LIN54: variants seen among roughly 807,000 people sequenced by gnomAD.
LIN54 encodes the protein protein lin-54 homolog.
In LIN54, 9 loss-of-function variants were observed where a neutral mutation model predicts 78.7. That is an observed-to-expected ratio of 0.11 (90% CI 0.07 to 0.20). The LOEUF (loss-of-function observed/expected upper bound fraction) is 0.20. Among genes scored for constraint, LIN54 ranks in the 10% least tolerant of loss-of-function variants. The pLI is 1.00. For missense variants in LIN54, 573 were observed against 889.9 expected (o/e 0.64, Z 4.53); for synonymous variants, 269 against 318.4 (o/e 0.84, Z 1.65).
At chr4:82,947,207 T>TTATATATATATA (rs1207992875) in intron 4 of LIN54, among the ~76,000 whole-genome samples, 5 of 76,224 alleles carry the variant, frequency 6.6e-5, no homozygotes, top group African/African-American at 2.8e-4. Context: ...AAAAAAAAAT[T>TTATATATATATA]TATATATATA....
rs374221712 is a variant in LIN54, at chr4:82,996,882, G to GA, written c.-32-12007dup. 1.8e-4 allele frequency among the ~76,000 whole-genome samples: 26 copies of GA among 148,356 alleles called. 1 individual carries two copies. The highest frequency in any genetic ancestry group is 3.5e-4 in the African/African-American group (14 of 40,520). ...TGTACATTTGTCTTAATGTATTAGG[G>GA]AAAAAAAAAAGTATCTAAAATAGGA... On this transcript the variant is annotated intron_variant, in intron 1 of 12. Transcript: ENST00000340417.
chr4:82,938,532 T>C, intron 7 of LIN54, 28 bp from the exon 8 acceptor site: 2 of 1,326,328 alleles, frequency 1.5e-6, no homozygotes, highest in East Asian at 4.6e-5. Flanking sequence ...TAATTTTAGA[T>C]CATATTTCCA....
In LIN54 at chr4:82,939,579, T is replaced by G. The variant is rs1414780421; in HGVS notation, c.1400A>C (p.Asn467Thr). The G allele has an allele frequency of 6.2e-7, 1 of 1,614,066 alleles. No individual in the cohort carries two copies. Among genetic ancestry groups the G allele is most frequent in the Non-Finnish European group, 8.5e-7 (1 of 1,179,922 alleles). The change falls in exon 7 of 13, where the codon AAT (asparagine) becomes ACT (threonine). Residue 467 changes from asparagine (N) to threonine (T), a missense_variant. Physicochemically the swap from Asn to Thr is moderately conservative, Grantham distance 65. Transcript: ENST00000340417. ...TVLAPAPGTG[N>T]VGYAVLPAQY... ...AGCTGGAAGCACTGCATAACCCACA[T>G]TCCCTGTTCCCGGAGCTGGTGCCAG... is the stretch of plus-strand genomic sequence containing the variant.
chr4:82,947,084 A>G (rs1033985925), intron 4 of LIN54, among the ~76,000 whole-genome samples: 10 of 151,448 alleles, frequency 6.6e-5, no homozygotes, highest in African/African-American at 2.4e-4. Flanking sequence ...TCTGAAAGGC[A>G]TAATACTCCC....
At chr4:82,972,973 T>C (rs1320479747) in intron 3 of LIN54, among the ~76,000 whole-genome samples, 3 of 147,428 alleles carry the variant, frequency 2.0e-5, no homozygotes, top group Admixed American at 1.4e-4. Context: ...AAAAAAAAAT[T>C]CATACAGAAA....
upstream of LIN54, among the ~76,000 whole-genome samples, chr4:83,012,629 G>C (rs1055814899): frequency 2.0e-5 from 3 of 152,144 alleles, no homozygotes; most frequent in South Asian, 6.2e-4. Flanking sequence ...GGGGCGCGGC[G>C]GACCCCGCTG....
At chr4:83,007,691 C>T (rs1014479508) in intron 1 of LIN54, among the ~76,000 whole-genome samples, 6 of 152,034 alleles carry the variant, frequency 3.9e-5, no homozygotes, top group African/African-American at 1.2e-4. Context: ...AGTTTGAGAC[C>T]AGCCTGGCCA....
In LIN54 at chr4:83,000,999, GGA is replaced by G. The variant is rs530663676; in HGVS notation, c.-33+9483_-33+9484del. The stretch of plus-strand genomic sequence containing the variant: ...CGCCCAGCTAATTTTTGTATTTTTA[GGA>G]GAGATGGGGTTCTGCCATGTTGGCC... On this transcript the variant is annotated intron_variant, in intron 1 of 12. Transcript: ENST00000340417. Among the ~76,000 whole-genome samples the G allele has an allele frequency of 1.6e-3, 243 of 151,720 alleles. No individual in the cohort carries two copies. The Middle Eastern group carries it at 0.027, about 17-fold the overall frequency.
Position 83,002,700 on chromosome 4 carries a change from G to T in LIN54, c.-33+7784C>A, listed in dbSNP as rs115657017. ...GATGATCCACTTCAGTTCATGAACA[G>T]TAACTATATTTTCTCCTCCTTACGG... On this transcript the variant is annotated intron_variant, in intron 1 of 12. Coordinates refer to ENST00000340417, the MANE Select transcript of LIN54 (RefSeq NM_194282.4). Among the ~76,000 whole-genome samples the T allele has an allele frequency of 8.3e-3, 1,269 of 152,242 alleles. 21 individuals are homozygous for T. Among genetic ancestry groups the T allele is most frequent in the African/African-American group, 0.028 (1,184 of 41,552 alleles).
chr4:82,927,231 A>G lies in LIN54; in HGVS notation c.*871T>C, dbSNP rs1183892697. The stretch of plus-strand genomic sequence containing the variant: ...TAAATTCATCTTTTGCAGCTTCCCT[A>G]TTCTTTGTTTCTCCACCCATGCCAA... On this transcript the variant is annotated 3_prime_UTR_variant, in exon 13 of 13. Transcript: ENST00000340417. 3 of 151,788 alleles carry G rather than the reference A, an allele frequency of 2.0e-5. No individual in the cohort carries two copies. The highest frequency in any genetic ancestry group is 4.4e-5 in the Non-Finnish European group (3 of 68,002). The allele number at this position is 151,788 out of a possible 1,614,324, so 9.4% of individuals were successfully genotyped here.
intron 11 of LIN54, among the ~76,000 whole-genome samples, chr4:82,932,668 A>G (rs980724515): frequency 2.6e-5 from 4 of 151,220 alleles, no homozygotes; most frequent in Admixed American, 1.3e-4. Context: ...AAAAAAAAAA[A>G]AAAAAAATTA....
At chr4:83,009,551 G>A (rs531354228) in intron 1 of LIN54, among the ~76,000 whole-genome samples, 13 of 152,246 alleles carry the variant, frequency 8.5e-5, no homozygotes, top group East Asian at 3.9e-4. Context: ...GACTCCTTAC[G>A]GATCTTTCAG....
chr4:82,974,167 A>AGG (rs1725941452), intron 3 of LIN54, among the ~76,000 whole-genome samples: 1 of 151,226 alleles, frequency 6.6e-6, no homozygotes, highest in Non-Finnish European at 1.5e-5. Context: ...CCGAGATCGC[A>AGG]CCACTGCACT....
chr4:82,939,672 A>G lies in LIN54; in HGVS notation c.1307T>C (p.Leu436Pro), dbSNP rs1476285297. The G allele has an allele frequency of 6.2e-7, 1 of 1,614,162 alleles. No homozygotes were observed. Among genetic ancestry groups the G allele is most frequent in the Admixed American group, 1.7e-5 (1 of 60,022 alleles). Residue 436 changes from leucine (L) to proline (P), a missense_variant, in exon 7 of 13, where the codon CTT becomes CCT. Around this residue, in one of 6 missense-constraint regions of LIN54, gnomAD observed 199 missense variants for 260.9 expected, o/e 0.76. Coordinates refer to ENST00000340417, the MANE Select transcript of LIN54 (RefSeq NM_194282.4). ...TGGCAGTGGTGTGGCAGGCATGATA[A>G]GCCGTTGCTGTGGCTGGCTAGTAGT... ...IVTTSQPQQR[L>P]IMPATPLPQI... is the part of the protein sequence containing the mutation.
At chr4:82,934,475 T>C (rs1489726056) in intron 11 of LIN54, among the ~76,000 whole-genome samples, 1 of 152,232 alleles carries the variant, frequency 6.6e-6, no homozygotes, top group Non-Finnish European at 1.5e-5. Flanking sequence ...TCATATCATC[T>C]GCAGAACTCA....
At chr4:82,975,570 G>A (rs971561353) in intron 3 of LIN54, among the ~76,000 whole-genome samples, 8 of 151,670 alleles carry the variant, frequency 5.3e-5, no homozygotes, top group African/African-American at 1.9e-4. Context: ...AAATTAGCCG[G>A]GCATAGTGGC....
intron 1 of LIN54, chr4:83,003,302 A>C (rs1012136795): frequency 7.2e-5 from 11 of 152,150 alleles, no homozygotes; most frequent in African/African-American, 2.7e-4. Context: ...GGTGTAAGCC[A>C]CCTCGCCCGG....
chr4:82,966,930 G>T (rs1394459242), intron 4 of LIN54, among the ~76,000 whole-genome samples: 2 of 151,516 alleles, frequency 1.3e-5, no homozygotes, highest in African/African-American at 2.4e-5. Context: ...ATCTTTTTTG[G>T]CTATCAACTT....
At chr4:82,998,511 G>A (rs1415210301) in intron 1 of LIN54, among the ~76,000 whole-genome samples, 3 of 100,024 alleles carry the variant, frequency 3.0e-5, no homozygotes, top group East Asian at 2.9e-4. Flanking sequence ...GCTCCAACTC[G>A]GGCGACGGTG....
Sources: gnomAD v4.1 joint callset for allele counts (sites outside exome capture counted in the v4.1 genomes callset) on GRCh38, gnomAD v4.1.1 for gene constraint, gnomAD v4.1.1 regional missense constraint, MANE v1.5 for transcripts, NCBI Gene and HGNC (gene_info 2026-07-23, HGNC 2026-07-21) for gene names.